Variants in PITPNC1 observed in about 807,000 individuals in gnomAD.
The protein encoded by PITPNC1 is cytoplasmic phosphatidylinositol transfer protein 1.
In PITPNC1, 18 loss-of-function variants were observed where a neutral mutation model predicts 44.7. The ratio of observed to expected loss-of-function variants is 0.40; its 90% CI spans 0.28 to 0.60. PITPNC1 has a LOEUF of 0.60. Ranked by LOEUF, PITPNC1 falls within the 20% of genes least tolerant of loss-of-function variation. The pLI is 0.39. For synonymous variants in PITPNC1, 141 were observed against 149.6 expected (o/e 0.94, Z 0.42); for missense variants, 290 against 418.4 (o/e 0.69, Z 2.68).
chr17:67,614,754 G>A (rs1012559579), intron 5 of PITPNC1, among the ~76,000 whole-genome samples: 3 of 151,736 alleles, frequency 2.0e-5, no homozygotes, highest in Non-Finnish European at 4.4e-5. Context: ...GCTCATACCT[G>A]TAATCCCAGG....
chr17:67,390,983 T>G (rs1162003435), intron 1 of PITPNC1, among the ~76,000 whole-genome samples: 4 of 152,086 alleles, frequency 2.6e-5, no homozygotes, highest in African/African-American at 9.7e-5. Flanking sequence ...CATCGGACGT[T>G]AGTGGAAGTC....
At chr17:67,510,230 T>A (rs2040165728) in intron 1 of PITPNC1, among the ~76,000 whole-genome samples, 1 of 149,526 alleles carries the variant, frequency 6.7e-6, no homozygotes, top group African/African-American at 2.5e-5. Flanking sequence ...AGGAGTTGCT[T>A]AAGAGACTCA....
chr17:67,640,685 GAA>G (rs71139165), intron 6 of PITPNC1, among the ~76,000 whole-genome samples: 1,567 of 100,238 alleles, frequency 0.016, 40 homozygotes, highest in African/African-American at 0.056. Context: ...TGTTGAAAAA[GAA>G]AAAAAAAAAA....
intron 1 of PITPNC1, among the ~76,000 whole-genome samples, chr17:67,413,767 AT>A (rs1197993879): frequency 6.6e-6 from 1 of 152,194 alleles, no homozygotes; most frequent in African/African-American, 2.4e-5. Flanking sequence ...CTTCGCAGGC[AT>A]GCAGACAGTT....
At chr17:67,503,438 CG>C (rs2040061920) in intron 1 of PITPNC1, among the ~76,000 whole-genome samples, 1 of 152,086 alleles carries the variant, frequency 6.6e-6, no homozygotes, top group Admixed American at 6.6e-5. Flanking sequence ...TCCATCTTGA[CG>C]GGGAGGGAGG....
intron 2 of PITPNC1, among the ~76,000 whole-genome samples, chr17:67,541,514 G>A (rs1345957092): frequency 1.3e-5 from 2 of 151,802 alleles, no homozygotes; most frequent in Non-Finnish European, 2.9e-5. Flanking sequence ...GTGTGTAATA[G>A]ATTATACAGC....
At chr17:67,661,526 G>C (rs2042347164) in intron 6 of PITPNC1, among the ~76,000 whole-genome samples, 1 of 152,128 alleles carries the variant, frequency 6.6e-6, no homozygotes, top group South Asian at 2.1e-4. Flanking sequence ...AGGAAGCTCA[G>C]GGAACCCTGA....
At chr17:67,573,413 A>G (rs1208403640) in intron 4 of PITPNC1, among the ~76,000 whole-genome samples, 1 of 152,114 alleles carries the variant, frequency 6.6e-6, no homozygotes, top group Non-Finnish European at 1.5e-5. Flanking sequence ...ACTGCTGCTC[A>G]GGATGGAGGA....
At chr17:67,487,889 G>C (rs927852159) in intron 1 of PITPNC1, among the ~76,000 whole-genome samples, 1 of 152,170 alleles carries the variant, frequency 6.6e-6, no homozygotes, top group Non-Finnish European at 1.5e-5. Flanking sequence ...CTTATACCCT[G>C]TATAGGATCA....
chr17:67,434,678 T>C (rs2038906649), intron 1 of PITPNC1, among the ~76,000 whole-genome samples: 1 of 149,216 alleles, frequency 6.7e-6, no homozygotes, highest in Non-Finnish European at 1.5e-5. Flanking sequence ...CCAGGTGTGG[T>C]GGTGCATGCC....
At chr17:67,494,403 T>C (rs2039914005) in intron 1 of PITPNC1, among the ~76,000 whole-genome samples, 1 of 151,990 alleles carries the variant, frequency 6.6e-6, no homozygotes, top group African/African-American at 2.4e-5. Context: ...TTTCACCATC[T>C]TGGCCAGGCT....
At chr17:67,378,968 C>T (rs977781673) in intron 1 of PITPNC1, 5 of 985,130 alleles carry the variant, frequency 5.1e-6, no homozygotes, top group Non-Finnish European at 6.0e-6. Flanking sequence ...GGGGGCTCGT[C>T]CTCCAAGCGC....
chr17:67,628,415 G>T (rs2041922290), intron 5 of PITPNC1, among the ~76,000 whole-genome samples: 1 of 152,172 alleles, frequency 6.6e-6, no homozygotes, highest in African/African-American at 2.4e-5. Flanking sequence ...TTGAATAGGA[G>T]AAATGTAATA....
chr17:67,530,458 T>C (rs979052446), intron 1 of PITPNC1, among the ~76,000 whole-genome samples: 3 of 152,154 alleles, frequency 2.0e-5, no homozygotes, highest in African/African-American at 7.2e-5. Flanking sequence ...CCTGTGTCCC[T>C]GTCTAAGTTT....
intron 2 of PITPNC1, among the ~76,000 whole-genome samples, chr17:67,539,973 C>G (rs902569573): frequency 6.6e-6 from 1 of 152,190 alleles, no homozygotes; most frequent in East Asian, 1.9e-4. Context: ...GTAATAAAAG[C>G]ACCAAAACAT....
chr17:67,406,300 C>T (rs1468296271), intron 1 of PITPNC1, among the ~76,000 whole-genome samples: 1 of 151,724 alleles, frequency 6.6e-6, no homozygotes, highest in Non-Finnish European at 1.5e-5. Flanking sequence ...TGTCACCTTG[C>T]TTGGCCAATT....
chr17:67,642,278 G>A (rs1401786878), intron 6 of PITPNC1, among the ~76,000 whole-genome samples: 6 of 152,102 alleles, frequency 3.9e-5, no homozygotes, highest in Admixed American at 3.3e-4. Context: ...AAATTCCGTT[G>A]GCCAAGAAAA....
chr17:67,671,850 G>GTTTC (rs1418077183), intron 7 of PITPNC1, among the ~76,000 whole-genome samples: 1 of 152,118 alleles, frequency 6.6e-6, no homozygotes, highest in Non-Finnish European at 1.5e-5. Flanking sequence ...GTCTTCCTTG[G>GTTTC]TTTCCCACAG....
At chr17:67,562,762 G>A (rs149155395) in intron 4 of PITPNC1, among the ~76,000 whole-genome samples, 34 of 152,138 alleles carry the variant, frequency 2.2e-4, no homozygotes, top group East Asian at 9.7e-4. Context: ...AGAGGGTGAC[G>A]GCCAGACATT....
Sources: allele counts gnomAD v4.1 joint callset (sites outside exome capture counted in the v4.1 genomes callset), GRCh38; gene constraint gnomAD v4.1.1; transcripts MANE v1.5; gene names NCBI Gene and HGNC (gene_info 2026-07-23, HGNC 2026-07-21).